CAMK2D: variants seen among roughly 807,000 people sequenced by gnomAD.
CAMK2D encodes calcium/calmodulin dependent protein kinase II delta.
In CAMK2D, 37 loss-of-function variants were observed where a neutral mutation model predicts 84.0. That is an observed-to-expected ratio of 0.44 (90% CI 0.34 to 0.58). CAMK2D has a LOEUF of 0.58. Among genes scored for constraint, CAMK2D ranks in the 20% least tolerant of loss-of-function variants. The probability of loss-of-function intolerance (pLI) is 0.02; values close to 1 mark genes in which losing one functional copy is unlikely to be tolerated. For synonymous variants in CAMK2D, 202 were observed against 212.5 expected (o/e 0.95, Z 0.43); for missense variants, 448 against 652.5 (o/e 0.69, Z 3.41).
At chr4:113,677,240 A>G (rs1276537264) in intron 2 of CAMK2D, among the ~76,000 whole-genome samples, 1 of 152,074 alleles carries the variant, frequency 6.6e-6, no homozygotes, top group African/African-American at 2.4e-5. Context: ...TTCCACCTCT[A>G]TATTATACTT....
At chr4:113,568,791 G>A (rs560519264) in intron 4 of CAMK2D, among the ~76,000 whole-genome samples, 11 of 152,014 alleles carry the variant, frequency 7.2e-5, no homozygotes, top group African/African-American at 2.4e-4. Flanking sequence ...AGTCACTTTA[G>A]TGGGTGTGAA....
At position 113,761,524 on chromosome 4, in the gene CAMK2D, G is replaced by A. The variant is rs879861489; in HGVS notation, c.-456C>T. 4.0e-4 allele frequency: 402 copies of A among 1,009,464 alleles called. No individual in the cohort carries two copies. Among genetic ancestry groups the A allele is most frequent in the Non-Finnish European group, 4.6e-4 (386 of 844,600 alleles). The allele number at this position is 1,009,464 out of a possible 1,614,324, so 62.5% of individuals were successfully genotyped here. ...GAGGGGGCGGAGGTGGAGTGCAGCG[G>A]GGCCGAGGCCGCGGAGCCCAGAGCG... On this transcript the variant is annotated 5_prime_UTR_variant, in exon 1 of 21. Transcript: ENST00000511664.
chr4:113,568,794 G>C (rs145005639), intron 4 of CAMK2D, among the ~76,000 whole-genome samples: 7 of 150,980 alleles, frequency 4.6e-5, no homozygotes, highest in South Asian at 4.3e-4. Flanking sequence ...CACTTTAGTG[G>C]GTGTGAAGTA....
At chr4:113,552,147 A>C (rs1020253321) in intron 4 of CAMK2D, 51 bp from the exon 5 acceptor site, 2 of 1,002,812 alleles carry the variant, frequency 2.0e-6, no homozygotes, top group African/African-American at 1.6e-5. Context: ...AAAAAAAATA[A>C]GCATCAATAG....
At chr4:113,651,692 G>A (rs2099173384) in intron 3 of CAMK2D, among the ~76,000 whole-genome samples, 1 of 152,050 alleles carries the variant, frequency 6.6e-6, no homozygotes, top group Admixed American at 6.5e-5. Flanking sequence ...GTCATACATT[G>A]TACAAATTAT....
intron 3 of CAMK2D, among the ~76,000 whole-genome samples, chr4:113,649,147 T>C: frequency 6.6e-6 from 1 of 152,146 alleles, no homozygotes; most frequent in East Asian, 1.9e-4. Flanking sequence ...CCTGATCCCA[T>C]TGCTATGGTT....
intron 2 of CAMK2D, among the ~76,000 whole-genome samples, chr4:113,720,243 G>A (rs896958361): frequency 2.0e-5 from 3 of 151,876 alleles, no homozygotes; most frequent in Non-Finnish European, 4.4e-5. Flanking sequence ...CCAGTTAAAG[G>A]GTTCTGATTA....
intron 17 of CAMK2D, among the ~76,000 whole-genome samples, chr4:113,462,268 G>A (rs1436151444): frequency 1.8e-5 from 1 of 55,490 alleles, no homozygotes; most frequent in Non-Finnish European, 3.7e-5. Flanking sequence ...ATTTGGAAAT[G>A]TGTGTGTGTG....
intron 3 of CAMK2D, among the ~76,000 whole-genome samples, chr4:113,634,600 A>G (rs1209388774): frequency 1.3e-5 from 2 of 152,200 alleles, no homozygotes; most frequent in African/African-American, 4.8e-5. Flanking sequence ...TCACAGAAAT[A>G]AGATACTCAT....
At chr4:113,603,771 T>TATATATATATATATATA (rs1561290012) in intron 4 of CAMK2D, among the ~76,000 whole-genome samples, 1 of 86,948 alleles carries the variant, frequency 1.2e-5, no homozygotes, top group African/African-American at 4.6e-5. Flanking sequence ...TTTCTTGCTA[T>TATATATATATATATATA]TTTATATATA....
intron 2 of CAMK2D, among the ~76,000 whole-genome samples, chr4:113,720,420 T>C (rs1359847160): frequency 6.6e-6 from 1 of 151,510 alleles, no homozygotes; most frequent in Non-Finnish European, 1.5e-5. Context: ...CGCCTTCTAA[T>C]AGATTTAGCA....
intron 2 of CAMK2D, among the ~76,000 whole-genome samples, chr4:113,727,752 T>A (rs563324792): frequency 1.3e-5 from 2 of 152,280 alleles, no homozygotes; most frequent in Non-Finnish European, 2.9e-5. Context: ...GAAGAAAATA[T>A]TTGTAATACA....
intron 3 of CAMK2D, among the ~76,000 whole-genome samples, chr4:113,633,799 ATAATAT>A (rs202237952): frequency 0.091 from 13,879 of 152,156 alleles, 1,886 homozygotes; most frequent in African/African-American, 0.29. Context: ...AAAAATGTAC[ATAATAT>A]AATGTGCTAG....
At chr4:113,663,782 C>T (rs1032804794) in intron 2 of CAMK2D, among the ~76,000 whole-genome samples, 1 of 151,358 alleles carries the variant, frequency 6.6e-6, no homozygotes, top group African/African-American at 2.4e-5. Context: ...AAGCAAAAGA[C>T]CTTTACAGAC....
At chr4:113,455,620 A>G (rs985859573) in intron 20 of CAMK2D, 106 bp downstream of exon 20, 2 of 606,338 alleles carry the variant, frequency 3.3e-6, no homozygotes, top group African/African-American at 3.7e-5. Context: ...TGCGTTTTTC[A>G]TTGAATATTA....
At chr4:113,542,559 C>CA (rs540741125) in intron 6 of CAMK2D, among the ~76,000 whole-genome samples, 44 of 152,022 alleles carry the variant, frequency 2.9e-4, no homozygotes, top group African/African-American at 9.9e-4. Context: ...ACTAAAAATA[C>CA]AAAAAATTAA....
At chr4:113,473,642 T>A (rs900997484) in intron 16 of CAMK2D, among the ~76,000 whole-genome samples, 5 of 152,134 alleles carry the variant, frequency 3.3e-5, no homozygotes, top group Non-Finnish European at 7.4e-5. Context: ...TTAAAAAAAA[T>A]AAATAAATTA....
intron 6 of CAMK2D, among the ~76,000 whole-genome samples, chr4:113,546,845 G>A (rs567619547): frequency 2.6e-5 from 4 of 152,140 alleles, no homozygotes; most frequent in African/African-American, 7.2e-5. Context: ...AAATGGAGAC[G>A]GAAAATTAAT....
At chr4:113,665,650 G>A (rs28366460) in intron 2 of CAMK2D, among the ~76,000 whole-genome samples, 7,599 of 152,254 alleles carry the variant, frequency 0.05, 535 homozygotes, top group African/African-American at 0.16. Context: ...AAGCCAGTGT[G>A]GAACCAGCCT....
Sources: allele counts gnomAD v4.1 joint callset (sites outside exome capture counted in the v4.1 genomes callset), GRCh38; gene constraint gnomAD v4.1.1; transcripts MANE v1.5; gene names NCBI Gene and HGNC (gene_info 2026-07-23, HGNC 2026-07-21).